The following ATP9B variants were observed in gnomAD, a reference collection of about 807,000 sequenced individuals.
The protein encoded by ATP9B is ATPase phospholipid transporting 9B.
Under a neutral mutation model 146.1 loss-of-function variants are expected in ATP9B, and 110 were observed. The observed-to-expected ratio is 0.75, with a 90% CI of 0.65 to 0.88. ATP9B has a LOEUF of 0.88. Among genes scored for constraint, ATP9B ranks in the 40% least tolerant of loss-of-function variants. The pLI is 0.00. For missense variants in ATP9B, 1,499 were observed against 1,496.4 expected (o/e 1.00, Z -0.03); for synonymous variants, 604 against 569.7 (o/e 1.06, Z -0.86).
intron 5 of ATP9B, among the ~76,000 whole-genome samples, chr18:79,130,135 G>A (rs2094353345): frequency 6.6e-6 from 1 of 152,188 alleles, no homozygotes; most frequent in South Asian, 2.1e-4. Flanking sequence ...TGCCCCTGAG[G>A]AAAGCCAGAC....
chr18:79,236,858 G>T (rs1435584870), intron 11 of ATP9B, among the ~76,000 whole-genome samples: 1 of 107,056 alleles, frequency 9.3e-6, no homozygotes, highest in African/African-American at 3.7e-5. Context: ...CTGTGTACAC[G>T]GTCCGTGCAC....
intron 26 of ATP9B, chr18:79,359,872 G>C (rs2096977282): frequency 4.6e-6 from 1 of 219,230 alleles, no homozygotes; most frequent in African/African-American, 2.2e-5. Context: ...CAAAGCTGGG[G>C]AACCCATGGG....
intron 1 of ATP9B, among the ~76,000 whole-genome samples, chr18:79,087,913 G>T (rs2073981842): frequency 6.6e-6 from 1 of 152,064 alleles, no homozygotes; most frequent in Non-Finnish European, 1.5e-5. Context: ...TATGTTTCCA[G>T]AATTATAGTT....
At chr18:79,316,462 A>C (rs1263595796) in intron 15 of ATP9B, among the ~76,000 whole-genome samples, 2 of 152,150 alleles carry the variant, frequency 1.3e-5, no homozygotes, top group Non-Finnish European at 2.9e-5. Context: ...TCCTGTTGGC[A>C]GCTAACATGT....
chr18:79,372,938 G>T (rs971354780), intron 27 of ATP9B, 56 bp downstream of exon 27: 2 of 1,293,044 alleles, frequency 1.5e-6, no homozygotes, highest in Non-Finnish European at 2.2e-6. Context: ...TGGTCTTTTT[G>T]TTAGCAATAT....
At position 79,359,426 on chromosome 18, in the gene ATP9B, G is replaced by A. The variant is rs774409845; in HGVS notation, c.2976G>A (p.Ala992=). ...ACCAGGACGTGAAGCCAGAGATGGC[G>A]ATGCTCTACCCGGAGCTGTACAAGG... ...VLDQDVKPEM[A]MLYPELYKDL... The change falls in exon 26 of 30, where the codon GCG becomes GCA. Residue 992 remains alanine, a synonymous_variant. Transcript: ENST00000426216. 6.2e-6 allele frequency: 10 copies of A among 1,613,884 alleles called. No individual in the cohort carries two copies. The highest frequency in any genetic ancestry group is 1.3e-5 in the African/African-American group (1 of 74,908).
chr18:79,106,994 A>G (rs1194398917), intron 2 of ATP9B, among the ~76,000 whole-genome samples: 2 of 152,208 alleles, frequency 1.3e-5, no homozygotes, highest in Non-Finnish European at 2.9e-5. Flanking sequence ...TATCTTTTCA[A>G]ATACTTAGAT....
intron 6 of ATP9B, chr18:79,146,746 C>G: frequency 6.3e-6 from 1 of 159,960 alleles, no homozygotes; most frequent in South Asian, 1.7e-4. Context: ...GAGTTCGTTC[C>G]TAAGTGCTCT....
intron 25 of ATP9B, 108 bp downstream of exon 25, chr18:79,348,304 A>G (rs997862233): frequency 2.8e-6 from 3 of 1,067,144 alleles, no homozygotes; most frequent in South Asian, 2.8e-5. Context: ...TGATACAGTC[A>G]TCATTTAGAA....
intron 27 of ATP9B, among the ~76,000 whole-genome samples, chr18:79,373,241 T>G (rs528651791): frequency 6.6e-6 from 1 of 152,302 alleles, no homozygotes; most frequent in African/African-American, 2.4e-5. Flanking sequence ...GCCCTTTGTT[T>G]AGTGTTCAGA....
intron 8 of ATP9B, among the ~76,000 whole-genome samples, chr18:79,190,511 T>TACACACACACACACAC (rs68063845): frequency 7.7e-4 from 110 of 143,640 alleles, no homozygotes; most frequent in African/African-American, 2.4e-3. Flanking sequence ...TTTTTATTTA[T>TACACACACACACACAC]ACACACACAC....
Position 79,193,276 on chromosome 18 carries a change from T to A in ATP9B, c.954+13T>A. The A allele has an allele frequency of 1.3e-6, 2 of 1,571,168 alleles. No homozygotes were observed. The highest frequency in any genetic ancestry group is 1.8e-6 in the Non-Finnish European group (2 of 1,141,680). On this transcript the variant is annotated intron_variant, in intron 9 of 29. Transcript: ENST00000426216. ...CACATTTACCAGGGTAAGTTAAACCTGTTGTTCAATACAAATAGAGTTATT... is the reference window on the plus strand; with the variant it reads ...CACATTTACCAGGGTAAGTTAAACCAGTTGTTCAATACAAATAGAGTTATT...
rs953665132 is a variant in ATP9B at position 79,190,584 on chromosome 18, C to T, written c.874-2599C>T. Among the ~76,000 whole-genome samples the T allele has an allele frequency of 2.6e-4, 40 of 151,964 alleles. 1 individual carries two copies. The highest frequency in any genetic ancestry group is 9.2e-4 in the African/African-American group (38 of 41,322). On this transcript the variant is annotated intron_variant, in intron 8 of 29. Transcript: ENST00000426216. ...TTTGGCACAGAGTTTTGCTCTGTCA[C>T]CCAGGCTGGAGTGCAGTGGTGCGAT...
intron 8 of ATP9B, among the ~76,000 whole-genome samples, chr18:79,178,038 C>T (rs893394363): frequency 6.6e-6 from 1 of 152,146 alleles, no homozygotes; most frequent in Admixed American, 6.5e-5. Flanking sequence ...AGAGGTTGGG[C>T]AGTTGACAGC....
intron 13 of ATP9B, among the ~76,000 whole-genome samples, chr18:79,298,155 G>A (rs1447839744): frequency 6.8e-6 from 1 of 146,490 alleles, no homozygotes. Context: ...GGAAGAAATC[G>A]AGTTAAAATT....
chr18:79,375,332 T>G, intron 28 of ATP9B, 62 bp from the exon 29 acceptor site: 2 of 1,432,796 alleles, frequency 1.4e-6, no homozygotes, highest in Non-Finnish European at 1.9e-6. Flanking sequence ...GCTAACCCCT[T>G]GAAATATCCT....
intron 2 of ATP9B, among the ~76,000 whole-genome samples, chr18:79,099,948 A>C (rs2075131390): frequency 6.6e-6 from 1 of 152,004 alleles, no homozygotes; most frequent in African/African-American, 2.4e-5. Flanking sequence ...AACACAGTGA[A>C]ACCCTGTCTC....
intron 16 of ATP9B, 117 bp from the exon 17 acceptor site, chr18:79,329,895 C>T: frequency 1.1e-6 from 1 of 904,308 alleles, no homozygotes; most frequent in East Asian, 2.5e-5. Flanking sequence ...GAGCTTAACA[C>T]ACAGGAACAC....
chr18:79,322,111 T>G (rs2146913210), intron 15 of ATP9B, among the ~76,000 whole-genome samples: 1 of 152,224 alleles, frequency 6.6e-6, no homozygotes, highest in Non-Finnish European at 1.5e-5. Flanking sequence ...CGTGCCTTTT[T>G]TGGTAATGTG....
Sources: allele counts gnomAD v4.1 joint callset (sites outside exome capture counted in the v4.1 genomes callset), GRCh38; gene constraint gnomAD v4.1.1; transcripts MANE v1.5; gene names NCBI Gene and HGNC (gene_info 2026-07-23, HGNC 2026-07-21).